The following RORB variants were observed in gnomAD, a reference collection of about 807,000 sequenced individuals.
RORB encodes nuclear receptor ROR-beta.
In RORB, 6 loss-of-function variants were observed where a neutral mutation model predicts 59.1. That is an observed-to-expected ratio of 0.10 (90% CI 0.06 to 0.20). The LOEUF is 0.20. Among genes scored for constraint, RORB ranks in the 10% least tolerant of loss-of-function variants. The pLI is 1.00. For synonymous variants in RORB, 215 were observed against 204.5 expected (o/e 1.05, Z -0.44); for missense variants, 320 against 560.5 (o/e 0.57, Z 4.33).
Position 74,609,011 on chromosome 9 carries a change from A to G in RORB, c.8-21271A>G, listed in dbSNP as rs535178863. ...ACTGCTTATTCATCAATTCAGATAAAATGATGTCATACAAAGTCAAAGTTC... is the reference window on the plus strand; with the variant it reads ...ACTGCTTATTCATCAATTCAGATAAGATGATGTCATACAAAGTCAAAGTTC... On this transcript the variant is annotated intron_variant, in intron 1 of 9. Transcript: ENST00000376896. Among the ~76,000 whole-genome samples the G allele has an allele frequency of 9.2e-5, 14 of 152,332 alleles. No individual in the cohort carries two copies. The South Asian group carries it at 1.0e-3, about 11-fold the overall frequency.
intron 1 of RORB, among the ~76,000 whole-genome samples, chr9:74,621,418 A>G (rs1021226920): frequency 2.0e-5 from 3 of 152,242 alleles, no homozygotes; most frequent in Non-Finnish European, 4.4e-5. Context: ...TCGTGGCTTA[A>G]TAGCTCTTTT....
At chr9:74,509,967 C>T (rs1825913880) in intron 1 of RORB, among the ~76,000 whole-genome samples, 1 of 152,112 alleles carries the variant, frequency 6.6e-6, no homozygotes, top group South Asian at 2.1e-4. Flanking sequence ...ACATAATATT[C>T]CTTACATCAA....
At position 74,542,611 on chromosome 9, in the gene RORB, C is replaced by T. The variant is rs1001367178; in HGVS notation, c.7+44628C>T. Among the ~76,000 whole-genome samples the T allele has an allele frequency of 4.9e-4, 74 of 152,298 alleles. 1 individual carries two copies. The highest frequency in any genetic ancestry group is 1.7e-3 in the African/African-American group (72 of 41,574). On this transcript the variant is annotated intron_variant, in intron 1 of 9. Coordinates refer to ENST00000376896, the MANE Select transcript of RORB (RefSeq NM_006914.4). ...AGGCAATATTTAAGAAGATACTCTG[C>T]AGTTTTTCACAACTGATAAAAGATG...
At chr9:74,579,125 C>T (rs905197606) in intron 1 of RORB, among the ~76,000 whole-genome samples, 6 of 152,058 alleles carry the variant, frequency 3.9e-5, no homozygotes, top group African/African-American at 1.4e-4. Flanking sequence ...GTTTCCTCAT[C>T]TAGACTAATA....
intron 1 of RORB, among the ~76,000 whole-genome samples, chr9:74,598,531 A>G (rs1275399298): frequency 6.6e-6 from 1 of 152,156 alleles, no homozygotes; most frequent in Non-Finnish European, 1.5e-5. Context: ...TTATATTTGT[A>G]TATATTTGTG....
chr9:74,580,782 C>T (rs1822711101), intron 1 of RORB, among the ~76,000 whole-genome samples: 1 of 152,050 alleles, frequency 6.6e-6, no homozygotes, highest in African/African-American at 2.4e-5. Context: ...GTCATCTTAC[C>T]TTGGGGTAGC....
intron 1 of RORB, among the ~76,000 whole-genome samples, chr9:74,618,246 G>T: frequency 6.6e-6 from 1 of 152,148 alleles, no homozygotes; most frequent in East Asian, 1.9e-4. Context: ...AAAATCAAAA[G>T]TGTCTGCAAA....
intron 1 of RORB, among the ~76,000 whole-genome samples, chr9:74,539,150 A>T (rs1826366647): frequency 6.6e-6 from 1 of 152,222 alleles, no homozygotes; most frequent in Admixed American, 6.6e-5. Flanking sequence ...ACACTGTAGA[A>T]TGGTATTCAT....
intron 1 of RORB, among the ~76,000 whole-genome samples, chr9:74,594,646 G>A (rs1772686370): frequency 1.3e-5 from 2 of 152,178 alleles, no homozygotes; most frequent in South Asian, 2.1e-4. Flanking sequence ...AACAGTGATT[G>A]TTTTCTGGGA....
At chr9:74,641,148 C>T (rs1823796407) in intron 3 of RORB, among the ~76,000 whole-genome samples, 2 of 152,110 alleles carry the variant, frequency 1.3e-5, no homozygotes. Context: ...TGTGGTAGCC[C>T]CCACTATTAA....
intron 1 of RORB, among the ~76,000 whole-genome samples, chr9:74,511,589 G>T (rs1055394690): frequency 1.3e-5 from 2 of 149,640 alleles, no homozygotes; most frequent in Non-Finnish European, 3.0e-5. Context: ...AACATAGCAA[G>T]CCCTCATCTA....
At position 74,692,971 on chromosome 9, in the gene RORB, C is replaced by T. The variant is rs1041918952; in HGVS notation, c.*7353C>T. On this transcript the variant is annotated 3_prime_UTR_variant, in exon 10 of 10. Coordinates refer to ENST00000376896, the MANE Select transcript of RORB (RefSeq NM_006914.4). ...ATATACTAGAATAAAACAGCACTCC[C>T]TAACAATTAAAAAAGAGTTTTATAT... is the stretch of plus-strand genomic sequence containing the variant. The T allele has an allele frequency of 6.6e-6, 1 of 152,040 alleles. No homozygotes were observed. The highest frequency in any genetic ancestry group is 1.5e-5 in the Non-Finnish European group (1 of 68,002). 9.4% of individuals were successfully genotyped at this position (152,040 alleles called of 1,614,324 possible).
In RORB at chr9:74,611,750, C is replaced by T. The variant is rs367683302; in HGVS notation, c.8-18532C>T. Among the ~76,000 whole-genome samples the T allele has an allele frequency of 1.2e-3, 187 of 152,278 alleles. 2 individuals carry two copies. Among genetic ancestry groups the T allele is most frequent in the African/African-American group, 4.3e-3 (179 of 41,566 alleles). Reference sequence around the variant, plus strand: ...GCAACCTCCACCTCCCAGGCTCAAGCGATTCTCCTGCCTGAGCCTCCTGAG... The same window carrying T: ...GCAACCTCCACCTCCCAGGCTCAAGTGATTCTCCTGCCTGAGCCTCCTGAG... On this transcript the variant is annotated intron_variant, in intron 1 of 9. Transcript: ENST00000376896.
intron 1 of RORB, among the ~76,000 whole-genome samples, chr9:74,548,498 C>T (rs1222101694): frequency 6.6e-6 from 1 of 152,184 alleles, no homozygotes; most frequent in Non-Finnish European, 1.5e-5. Flanking sequence ...TTCACTACTT[C>T]TTGTCCAGAT....
chr9:74,547,756 G>T (rs1306746409), intron 1 of RORB, among the ~76,000 whole-genome samples: 2 of 152,166 alleles, frequency 1.3e-5, no homozygotes, highest in Admixed American at 6.5e-5. Flanking sequence ...TGACTCCTAT[G>T]ACCCATGATT....
chr9:74,576,483 T>A (rs1055869208), intron 1 of RORB, among the ~76,000 whole-genome samples: 9 of 151,918 alleles, frequency 5.9e-5, no homozygotes, highest in Admixed American at 1.3e-4. Context: ...AATTCAAGAT[T>A]TCATAGGGGA....
chr9:74,568,084 C>T (rs966325999), intron 1 of RORB, among the ~76,000 whole-genome samples: 1 of 152,128 alleles, frequency 6.6e-6, no homozygotes, highest in Non-Finnish European at 1.5e-5. Flanking sequence ...TGTCAATATT[C>T]GAAACAGAGC....
intron 1 of RORB, among the ~76,000 whole-genome samples, chr9:74,627,903 G>T (rs901761868): frequency 6.6e-6 from 1 of 151,970 alleles, no homozygotes; most frequent in Admixed American, 6.5e-5. Flanking sequence ...GTCATATTTT[G>T]TGTCCAAAAG....
chr9:74,651,210 A>T (rs1373972023), intron 4 of RORB, among the ~76,000 whole-genome samples: 2 of 152,136 alleles, frequency 1.3e-5, no homozygotes, highest in African/African-American at 4.8e-5. Context: ...TAACTCTGCA[A>T]GGCTTCTCCC....
Sources: allele counts gnomAD v4.1 joint callset (sites outside exome capture counted in the v4.1 genomes callset), GRCh38; gene constraint gnomAD v4.1.1; transcripts MANE v1.5; gene names NCBI Gene and HGNC (gene_info 2026-07-23, HGNC 2026-07-21).